Variants in SYNE2 observed in about 807,000 individuals in gnomAD.
SYNE2 encodes the protein spectrin repeat containing nuclear envelope protein 2.
In SYNE2, 431 loss-of-function variants were observed where a neutral mutation model predicts 856.3. The ratio of observed to expected loss-of-function variants is 0.50; its 90% confidence interval spans 0.47 to 0.55. The LOEUF is 0.55. Ranked by LOEUF, SYNE2 falls within the 20% of genes least tolerant of loss-of-function variation. SYNE2 has a pLI of 0.00. For missense variants in SYNE2, 8,129 were observed against 8,023.2 expected, an observed-to-expected ratio of 1.01 and a Z score of -0.50; for synonymous variants, 2,923 against 2,872.3, an observed-to-expected ratio of 1.02 and a Z score of -0.56.
intron 103 of SYNE2, among the ~76,000 whole-genome samples, chr14:64,210,594 T>G (rs1389586455): frequency 6.6e-6 from 1 of 152,240 alleles, no homozygotes; most frequent in African/African-American, 2.4e-5. Flanking sequence ...GGACTGTGAT[T>G]ATTCTCTGAA....
intron 1 of SYNE2, among the ~76,000 whole-genome samples, chr14:63,790,388 A>AAAAG (rs766236526): frequency 6.6e-6 from 1 of 151,920 alleles, no homozygotes; most frequent in Non-Finnish European, 1.5e-5. Flanking sequence ...GAAAGAAAGA[A>AAAAG]AAAGAAAGAA....
chr14:64,090,718 A>T, intron 59 of SYNE2, 148 bp from the exon 60 acceptor site: 1 of 724,746 alleles, frequency 1.4e-6, no homozygotes, highest in Non-Finnish European at 2.2e-6. Context: ...ATCATGAGTG[A>T]TATAATAGTT....
chr14:64,183,595 G>A (rs1182378435), intron 96 of SYNE2, among the ~76,000 whole-genome samples: 1 of 151,792 alleles, frequency 6.6e-6, no homozygotes, highest in African/African-American at 2.4e-5. Context: ...AGCGAGCCGA[G>A]ATCACGCCAC....
intron 1 of SYNE2, among the ~76,000 whole-genome samples, chr14:63,815,735 A>G (rs1269508850): frequency 6.6e-6 from 1 of 152,134 alleles, no homozygotes; most frequent in African/African-American, 2.4e-5. Context: ...CAACTCAGGT[A>G]TGGACAACCT....
At chr14:64,119,000 T>A (rs2097876870) in intron 66 of SYNE2, among the ~76,000 whole-genome samples, 1 of 151,726 alleles carries the variant, frequency 6.6e-6, no homozygotes, top group Non-Finnish European at 1.5e-5. Flanking sequence ...AGGAGGTGAG[T>A]TCGGTTATTA....
chr14:63,769,494 C>T (rs946277634), intron 1 of SYNE2, among the ~76,000 whole-genome samples: 3 of 151,938 alleles, frequency 2.0e-5, no homozygotes, highest in South Asian at 2.1e-4. Flanking sequence ...GGTGAAACCC[C>T]GTCTCTACTA....
chr14:63,836,849 C>G (rs1164180138), intron 1 of SYNE2, among the ~76,000 whole-genome samples: 1 of 152,184 alleles, frequency 6.6e-6, no homozygotes, highest in Non-Finnish European at 1.5e-5. Context: ...ACAGCGAATT[C>G]TCATCTCACA....
intron 8 of SYNE2, among the ~76,000 whole-genome samples, chr14:63,959,641 A>T (rs1345323679): frequency 6.6e-6 from 1 of 151,954 alleles, no homozygotes; most frequent in Admixed American, 6.6e-5. Flanking sequence ...GTCTGGCTTC[A>T]TGTTGGTTGT....
In SYNE2 at chr14:63,961,567, A is replaced by T; in HGVS notation, c.830A>T (p.Tyr277Phe). ...VDPDEKSIMT[Y>F]VAQFLQYSKD... ...CCTGATGAAAAGTCCATCATGACCT[A>T]TGTGGCACAGTTTCTGCAGTATTCC... Residue 277 changes from tyrosine (Y) to phenylalanine (F), a missense_variant, in exon 9 of 116, where the codon TAT (tyrosine) becomes TTT (phenylalanine). Physicochemically the swap from Tyr to Phe is conservative, Grantham distance 22. Around this residue, in one of 3 missense-constraint regions of SYNE2, gnomAD observed 2,422 missense variants for 2,357.4 expected, o/e 1.03. Transcript: ENST00000555002. 6.2e-7 allele frequency: 1 copy of T among 1,614,096 alleles called. No individual in the cohort carries two copies. The highest frequency in any genetic ancestry group is 8.5e-7 in the Non-Finnish European group (1 of 1,179,976).
chr14:64,062,938 A>T (rs199747596), intron 50 of SYNE2, 43 bp downstream of exon 50: 1,045 of 1,613,358 alleles, frequency 6.5e-4, no homozygotes, highest in Non-Finnish European at 8.5e-4. Context: ...TGTGCAAAAA[A>T]TTGCAGAACA....
chr14:64,221,484 T>C, intron 111 of SYNE2, 92 bp from the exon 112 acceptor site: 1 of 1,612,564 alleles, frequency 6.2e-7, no homozygotes, highest in South Asian at 1.1e-5. Context: ...AGCAAATGAC[T>C]GTGATGGATT....
chr14:64,100,537 T>C (rs71416324), intron 63 of SYNE2, among the ~76,000 whole-genome samples: 1 of 52,888 alleles, frequency 1.9e-5, no homozygotes, highest in Non-Finnish European at 3.0e-5. Flanking sequence ...AAAAAATATA[T>C]ATATATATAT....
chr14:63,857,842 A>G (rs1446966269), intron 1 of SYNE2, among the ~76,000 whole-genome samples: 2 of 152,082 alleles, frequency 1.3e-5, no homozygotes, highest in Non-Finnish European at 2.9e-5. Context: ...TTCTTTGTGT[A>G]TTCTGGATGC....
At position 64,215,554 on chromosome 14, in the gene SYNE2, T is replaced by A. The variant is rs542786710; in HGVS notation, c.19402+200T>A. The A allele has an allele frequency of 1.4e-4, 92 of 645,392 alleles. No homozygotes were observed. The African/African-American group carries it at 1.6e-3, about 11-fold the overall frequency. The allele number at this position is 645,392 out of a possible 1,614,324, so 40.0% of individuals were successfully genotyped here. On this transcript the variant is annotated intron_variant, in intron 107 of 115. Transcript: ENST00000555002. ...CAAAACCCCATCCAAGCCAGAGCCG[T>A]CTCGATGCCAACCCCCTCTCCTCCC...
chr14:63,943,378 C>T (rs1208857637), intron 6 of SYNE2, among the ~76,000 whole-genome samples: 1 of 152,118 alleles, frequency 6.6e-6, no homozygotes, highest in Non-Finnish European at 1.5e-5. Flanking sequence ...TAAAATGTTG[C>T]ATTTTCTGTA....
chr14:63,792,373 G>A (rs1304554060), intron 1 of SYNE2, among the ~76,000 whole-genome samples: 2 of 152,054 alleles, frequency 1.3e-5, no homozygotes, highest in Middle Eastern at 3.2e-3. Context: ...GATGAACATG[G>A]CGAAACCCCA....
intron 1 of SYNE2, among the ~76,000 whole-genome samples, chr14:63,777,528 A>G (rs1222928532): frequency 6.6e-6 from 1 of 152,136 alleles, no homozygotes; most frequent in Non-Finnish European, 1.5e-5. Context: ...AAACAAAACA[A>G]AAACAAATTG....
At chr14:63,969,932 G>A (rs1286984770) in intron 11 of SYNE2, among the ~76,000 whole-genome samples, 1 of 152,088 alleles carries the variant, frequency 6.6e-6, no homozygotes, top group Non-Finnish European at 1.5e-5. Flanking sequence ...GTGTGTACAT[G>A]CTTATGATTA....
At chr14:63,924,730 C>T (rs1053300462) in intron 2 of SYNE2, among the ~76,000 whole-genome samples, 8 of 149,006 alleles carry the variant, frequency 5.4e-5, no homozygotes, top group African/African-American at 2.0e-4. Flanking sequence ...TTGCTAAACA[C>T]ATTAGTTTTG....
Sources: allele counts gnomAD v4.1 joint callset (sites outside exome capture counted in the v4.1 genomes callset), GRCh38; gene constraint gnomAD v4.1.1; regional missense constraint gnomAD v4.1.1; transcripts MANE v1.5; gene names NCBI Gene and HGNC (gene_info 2026-07-23, HGNC 2026-07-21).